Variants in ZNF157 observed in about 807,000 individuals in gnomAD.
ZNF157 encodes zinc finger protein 157.
Under a neutral mutation model 9.4 loss-of-function variants are expected in ZNF157, and 8 were observed. The ratio of observed to expected loss-of-function variants is 0.85; its 90% CI spans 0.50 to 1.53. The LOEUF is 1.53. ZNF157 is among the 40% of genes most tolerant of loss of function. The pLI is 0.00. For synonymous variants in ZNF157, 120 were observed against 130.8 expected (o/e 0.92, Z 0.56); for missense variants, 316 against 385.2 (o/e 0.82, Z 1.50).
At chrX:47,379,592 A>G (rs767240227) in intron 1 of ZNF157, among the ~76,000 whole-genome samples, 12 of 106,983 alleles carry the variant, frequency 1.1e-4, no homozygotes, top group Non-Finnish European at 2.1e-4. Context: ...TAATTTTTGT[A>G]TTTTTAGTAG....
chrX:47,391,069 T>G (rs989287226), intron 1 of ZNF157: 3 of 111,858 alleles, frequency 2.7e-5, no homozygotes, highest in Non-Finnish European at 3.8e-5. Flanking sequence ...ACTCTGACAG[T>G]GAGGTTCTTG....
chrX:47,372,389 G>A (rs951406696), intron 1 of ZNF157, among the ~76,000 whole-genome samples: 4 of 110,648 alleles, frequency 3.6e-5, no homozygotes, highest in African/African-American at 1.3e-4. Flanking sequence ...AACACATGGG[G>A]GTTCCTGGAG....
At chrX:47,377,714 G>A (rs1401031985) in intron 1 of ZNF157, among the ~76,000 whole-genome samples, 1 of 104,408 alleles carries the variant, frequency 9.6e-6, no homozygotes, top group Non-Finnish European at 1.9e-5. Context: ...TTACAGGTGT[G>A]AGCCACCATG....
intron 1 of ZNF157, 78 bp from the exon 2 acceptor site, chrX:47,410,197 CA>C: frequency 8.5e-7 from 1 of 1,170,829 alleles, no homozygotes. Flanking sequence ...CAACTTTCAA[CA>C]GGGCTCCATT....
chrX:47,380,455 C>T (rs758515487), intron 1 of ZNF157, among the ~76,000 whole-genome samples: 19 of 111,619 alleles, frequency 1.7e-4, no homozygotes, highest in Non-Finnish European at 3.6e-4. Context: ...TGTGCTGTGG[C>T]TTGTCAGCGC....
chrX:47,400,943 C>T (rs2055928816), intron 1 of ZNF157, among the ~76,000 whole-genome samples: 1 of 111,991 alleles, frequency 8.9e-6, no homozygotes, highest in Non-Finnish European at 1.9e-5. Flanking sequence ...AGGCATGAGA[C>T]CCTGTGCTCA....
rs2055975303 is a variant in ZNF157 at position 47,413,955 on chromosome X, T to C, written c.*361T>C. On this transcript the variant is annotated 3_prime_UTR_variant, in exon 4 of 4. Transcript: ENST00000377073. ...GCAAATATCTTCTCCCAGACTGTCG[T>C]TGGTTTTTTAAATTTTGCCATCTGT... 1 of 119,072 alleles carries C rather than the reference T, an allele frequency of 8.4e-6. No individual in the cohort carries two copies. Among genetic ancestry groups the C allele is most frequent in the Admixed American group, 9.4e-5 (1 of 10,624 alleles). The allele number at this position is 119,072 out of a possible 1,213,427, so 9.8% of individuals were successfully genotyped here.
Position 47,412,783 on chromosome X carries a change from C to T in ZNF157, c.710C>T (p.Thr237Ile), listed in dbSNP as rs373148459. ...FGRKSQLILH[T>I]RTHTGERPYE... ...AGGAAGTCACAACTCATCCTACATA[C>T]AAGAACACACACTGGAGAGAGACCC... The change falls in exon 4 of 4, where the codon ACA becomes ATA. Residue 237 changes from threonine to isoleucine, a missense_variant. Physicochemically the swap from Thr to Ile is moderately conservative, Grantham distance 89. Coordinates refer to ENST00000377073, the MANE Select transcript of ZNF157 (RefSeq NM_003446.4). 8 of 1,208,321 alleles carry T rather than the reference C, an allele frequency of 6.6e-6. No homozygotes were observed. The highest frequency in any genetic ancestry group is 8.9e-6 in the Non-Finnish European group (8 of 894,713).
rs769541152 is a variant in ZNF157, at chrX:47,374,998, C to CTTTTTTT, written c.72+4288_72+4294dup. Reference sequence around the variant, plus strand: ...GTGAGCCCTGAGCCCGGCTGACAATCTTTTTTTTTTTTTTTTTTTTTTTTT... The same window carrying CTTTTTTT: ...GTGAGCCCTGAGCCCGGCTGACAATCTTTTTTTTTTTTTTTTTTTTTTTTTTTTTTTT... On this transcript the variant is annotated intron_variant, in intron 1 of 3. Transcript: ENST00000377073. Among the ~76,000 whole-genome samples, 25 of 24,996 alleles carry CTTTTTTT rather than the reference C, an allele frequency of 1.0e-3. 8 individuals carry two copies. The highest frequency in any genetic ancestry group is 1.4e-3 in the Non-Finnish European group (20 of 14,377). The allele number at this position is 24,996 out of a possible 115,157, so 21.7% of individuals were successfully genotyped here. A position where few individuals can be genotyped will look rare whatever the true frequency, so the allele number is the denominator to read the frequency against.
rs369757837 is a variant in ZNF157, at chrX:47,412,706, T to C, written c.633T>C (p.Thr211=). 1.2e-5 allele frequency: 14 copies of C among 1,209,871 alleles called. No individual in the cohort carries two copies. In the Admixed American group the frequency reaches 1.3e-4, roughly 11 times the overall value. ...ARSYLIAHQK[T]HTGERPFECN... ...CATACCTCATTGCTCATCAGAAAAC[T>C]CACACAGGGGAGAGGCCCTTTGAAT... The change falls in exon 4 of 4, where the codon ACT becomes ACC. Residue 211 remains threonine, a synonymous_variant. Coordinates refer to ENST00000377073, the MANE Select transcript of ZNF157 (RefSeq NM_003446.4).
intron 1 of ZNF157, among the ~76,000 whole-genome samples, chrX:47,377,735 T>C: frequency 1.0e-5 from 1 of 96,400 alleles, no homozygotes; most frequent in African/African-American, 4.4e-5. Flanking sequence ...CCCAGCCTTT[T>C]TTTTTTTTTT....
intron 1 of ZNF157, among the ~76,000 whole-genome samples, chrX:47,383,543 T>A (rs746524280): frequency 1.3e-4 from 13 of 102,464 alleles, no homozygotes; most frequent in South Asian, 4.4e-4. Context: ...AAAAAAAAAA[T>A]AATAAATAAA....
At chrX:47,406,926 T>C (rs190382404) in intron 1 of ZNF157, among the ~76,000 whole-genome samples, 80 of 112,521 alleles carry the variant, frequency 7.1e-4, no homozygotes, top group African/African-American at 2.4e-3. Flanking sequence ...GCCTTTTTCC[T>C]GATCTTCTAG....
intron 1 of ZNF157, among the ~76,000 whole-genome samples, chrX:47,371,558 G>A (rs779980192): frequency 7.2e-5 from 8 of 111,583 alleles, no homozygotes; most frequent in South Asian, 3.8e-4. Context: ...ACTGGCTTTC[G>A]TCATTCAGCA....
intron 1 of ZNF157, among the ~76,000 whole-genome samples, chrX:47,374,998 CTTT>C (rs769541152): frequency 2.4e-4 from 6 of 24,990 alleles, no homozygotes; most frequent in African/African-American, 7.4e-4. Context: ...GGCTGACAAT[CTTT>C]TTTTTTTTTT....
intron 1 of ZNF157, among the ~76,000 whole-genome samples, chrX:47,386,646 G>A (rs1232655191): frequency 9.1e-6 from 1 of 110,020 alleles, no homozygotes; most frequent in Non-Finnish European, 1.9e-5. Flanking sequence ...TTTTAGTAGA[G>A]ATGGAGTTTC....
chrX:47,398,074 A>T (rs1396839910), intron 1 of ZNF157, among the ~76,000 whole-genome samples: 1 of 110,189 alleles, frequency 9.1e-6, no homozygotes, highest in Non-Finnish European at 1.9e-5. Flanking sequence ...ATCTCAGCTC[A>T]CTGCAACCTC....
intron 1 of ZNF157, among the ~76,000 whole-genome samples, chrX:47,381,184 GAGCAGGAGGAGGAGAAGC>G (rs1253024005): frequency 4.8e-5 from 5 of 104,027 alleles, no homozygotes; most frequent in African/African-American, 1.8e-4. Flanking sequence ...GAAGGAGAAA[GAGCAGGAGGAGGAGAAGC>G]AGCAGGAGGA....
At chrX:47,385,569 G>A in intron 1 of ZNF157, among the ~76,000 whole-genome samples, 1 of 108,528 alleles carries the variant, frequency 9.2e-6, no homozygotes, top group Non-Finnish European at 1.9e-5. Context: ...GTGTGTGTGT[G>A]TGTGTGTGTG....
Sources: gnomAD v4.1 joint callset for allele counts (sites outside exome capture counted in the v4.1 genomes callset) on GRCh38, gnomAD v4.1.1 for gene constraint, MANE v1.5 for transcripts, NCBI Gene and HGNC (gene_info 2026-07-23, HGNC 2026-07-21) for gene names.